BEND4: variants seen among roughly 807,000 people sequenced by gnomAD.
The protein encoded by BEND4 is BEN domain containing 4.
A neutral mutation model predicts 54.7 loss-of-function variants in BEND4; 27 were observed. The observed-to-expected ratio is 0.49, with a 90% CI of 0.36 to 0.68. The LOEUF is 0.68. Among genes scored for constraint, BEND4 ranks in the 30% least tolerant of loss-of-function variants. BEND4 has a pLI of 0.00. For missense variants in BEND4, 702 were observed against 697.2 expected, an observed-to-expected ratio of 1.01 and a Z score of -0.08; for synonymous variants, 327 against 299.5, an observed-to-expected ratio of 1.09 and a Z score of -0.95.
chr4:42,127,806 T>C (rs1720343845), intron 3 of BEND4, among the ~76,000 whole-genome samples: 2 of 152,174 alleles, frequency 1.3e-5, no homozygotes, highest in South Asian at 4.1e-4. Flanking sequence ...TTAGAGAAAT[T>C]GTAAAGACTC....
At chr4:42,149,609 A>G (rs1185332192) in intron 2 of BEND4, among the ~76,000 whole-genome samples, 1 of 152,092 alleles carries the variant, frequency 6.6e-6, no homozygotes, top group Non-Finnish European at 1.5e-5. Flanking sequence ...GCCCCTCTTC[A>G]CTCCTTTAGA....
At chr4:42,141,061 T>C (rs1287605338) in intron 3 of BEND4, among the ~76,000 whole-genome samples, 1 of 152,220 alleles carries the variant, frequency 6.6e-6, no homozygotes, top group Admixed American at 6.5e-5. Flanking sequence ...TGTCTCGGAC[T>C]TGGGGAAACC....
rs1238022368 is a variant in BEND4 at position 42,152,386 on chromosome 4, G to A, written c.-233-10C>T. The A allele has an allele frequency of 6.8e-6, 2 of 292,840 alleles. No individual in the cohort carries two copies. Among genetic ancestry groups the A allele is most frequent in the Non-Finnish European group, 6.3e-6 (1 of 158,540 alleles). The allele number at this position is 292,840 out of a possible 1,614,324, so 18.1% of individuals were successfully genotyped here. ...GCTGCCTCGCCAATGCCTGGAGGGA[G>A]AAAGGAGGTAAAGAGCAAGTGTTTA... On this transcript the variant is annotated splice_polypyrimidine_tract_variant and intron_variant, in intron 1 of 5. Coordinates refer to ENST00000502486, the MANE Select transcript of BEND4 (RefSeq NM_207406.4).
In BEND4 at chr4:42,111,976, G is replaced by C. The variant is rs1719589036; in HGVS notation, c.*5542C>G. 6.6e-6 allele frequency: 1 copy of C among 152,192 alleles called. No homozygotes were observed. The highest frequency in any genetic ancestry group is 2.1e-4 in the South Asian group (1 of 4,828). 9.4% of individuals were successfully genotyped at this position (152,192 alleles called of 1,614,324 possible). A position where few individuals can be genotyped will look rare whatever the true frequency, so the allele number is the denominator to read the frequency against. On this transcript the variant is annotated 3_prime_UTR_variant, in exon 6 of 6. Coordinates refer to ENST00000502486, the MANE Select transcript of BEND4 (RefSeq NM_207406.4). ...TCTTACGTAGGTCAAGCCTTATACA[G>C]AAACCTGGGCAGATCCCAGAGGATA...
chr4:42,146,101 CCTT>C (rs2153147621), intron 2 of BEND4, among the ~76,000 whole-genome samples: 1 of 152,336 alleles, frequency 6.6e-6, no homozygotes, highest in Admixed American at 6.5e-5. Flanking sequence ...ACCTGACCCT[CCTT>C]CTCCAGCCAA....
chr4:42,141,159 C>T (rs550004974), intron 3 of BEND4, among the ~76,000 whole-genome samples: 9 of 152,292 alleles, frequency 5.9e-5, no homozygotes, highest in African/African-American at 1.9e-4. Flanking sequence ...GAAAACACTA[C>T]TCGTCTGCAT....
At position 42,143,621 on chromosome 4, in the gene BEND4, C is replaced by A; in HGVS notation, c.861G>T (p.Val287=). 6.2e-7 allele frequency: 1 copy of A among 1,610,252 alleles called. No individual in the cohort carries two copies. Among genetic ancestry groups the A allele is most frequent in the Non-Finnish European group, 8.5e-7 (1 of 1,178,198 alleles). ...ADVDPLSTSP[V]HTLGGWTSPA... is the part of the protein sequence containing the mutation. ...GGGAAGTCCAGCCACCTAATGTATG[C>A]ACAGGAGAGGTTGACAGAGGATCCA... The change falls in exon 3 of 6, where the codon GTG becomes GTT. Residue 287 remains valine (V), a synonymous_variant. Coordinates refer to ENST00000502486, the MANE Select transcript of BEND4 (RefSeq NM_207406.4).
intron 3 of BEND4, among the ~76,000 whole-genome samples, chr4:42,136,733 TG>T (rs1720711875): frequency 6.6e-6 from 1 of 152,236 alleles, no homozygotes; most frequent in Non-Finnish European, 1.5e-5. Flanking sequence ...GTTGTAGCAC[TG>T]AAGTGCTGTC....
In BEND4 at chr4:42,116,034, CT is replaced by C. The variant is rs1182018329; in HGVS notation, c.*1483del. Reference sequence around the variant, plus strand: ...GCTACAGAAAGACCTGTTTCTAGGACTTTGTATATAGTGAATACAAACTAAA... The same window carrying C: ...GCTACAGAAAGACCTGTTTCTAGGACTTGTATATAGTGAATACAAACTAAA... On this transcript the variant is annotated 3_prime_UTR_variant, in exon 6 of 6. Coordinates refer to ENST00000502486, the MANE Select transcript of BEND4 (RefSeq NM_207406.4). 6.6e-6 allele frequency: 1 copy of C among 152,156 alleles called. No homozygotes were observed. Among genetic ancestry groups the C allele is most frequent in the African/African-American group, 2.4e-5 (1 of 41,432 alleles). 9.4% of individuals were successfully genotyped at this position (152,156 alleles called of 1,614,324 possible).
rs71664396 is a variant in BEND4 at position 42,123,694 on chromosome 4, G to GAAAA, written c.1146+1885_1146+1888dup. On this transcript the variant is annotated intron_variant, in intron 4 of 5. Transcript: ENST00000502486. ...ATATTTACTTTGGATCTGTAATTCA[G>GAAAA]AAAAAAAAAAAAAAAAAAAAAAACA... Among the ~76,000 whole-genome samples the GAAAA allele has an allele frequency of 8.4e-3, 420 of 50,268 alleles. 16 individuals carry two copies. Among genetic ancestry groups the GAAAA allele is most frequent in the African/African-American group, 0.022 (288 of 13,264 alleles). 33.0% of individuals were successfully genotyped at this position (50,268 alleles called of 152,430 possible).
At chr4:42,151,423 G>A (rs761884299) in intron 2 of BEND4, 5 of 346,220 alleles carry the variant, frequency 1.4e-5, no homozygotes, top group Non-Finnish European at 2.6e-5. Flanking sequence ...TTCCCGGCGC[G>A]GGATCCAAGC....
Position 42,143,832 on chromosome 4 carries a change from A to G in BEND4, c.650T>C (p.Ile217Thr), listed in dbSNP as rs754803144. ...SYNERQEHCH[I>T]GKGVHSQTSD... The stretch of plus-strand genomic sequence containing the variant: ...GGTCTGACTGTGGACCCCTTTCCCA[A>G]TGTGACAGTGCTCCTGTCTTTCGTT... The change falls in exon 3 of 6, where the codon ATT becomes ACT. Residue 217 changes from isoleucine (I) to threonine (T), a missense_variant. Physicochemically the swap from Ile to Thr is moderately conservative, Grantham distance 89 (BLOSUM62 -1). Coordinates refer to ENST00000502486, the MANE Select transcript of BEND4 (RefSeq NM_207406.4). The G allele has an allele frequency of 2.0e-5, 32 of 1,578,500 alleles. No individual in the cohort carries two copies. Among genetic ancestry groups the G allele is most frequent in the Non-Finnish European group, 2.6e-5 (30 of 1,163,746 alleles).
chr4:42,141,235 C>T (rs1262384293), intron 3 of BEND4, among the ~76,000 whole-genome samples: 1 of 152,226 alleles, frequency 6.6e-6, no homozygotes, highest in Non-Finnish European at 1.5e-5. Context: ...TCCTCCCCTC[C>T]ACAGGACAAT....
chr4:42,142,126 C>T (rs887520747), intron 3 of BEND4, among the ~76,000 whole-genome samples: 15 of 151,402 alleles, frequency 9.9e-5, no homozygotes, highest in South Asian at 6.3e-4. Flanking sequence ...AGGATGGTCT[C>T]GATCACCTGA....
Position 42,113,364 on chromosome 4 carries a change from T to C in BEND4, c.*4154A>G, listed in dbSNP as rs1719652338. ...AACTCAGGAGGTAGTCAATGGGTAT[T>C]AGGTTTAGGTTCTAGAGCATAAATT... On this transcript the variant is annotated 3_prime_UTR_variant, in exon 6 of 6. Coordinates refer to ENST00000502486, the MANE Select transcript of BEND4 (RefSeq NM_207406.4). 2.0e-5 allele frequency: 3 copies of C among 152,186 alleles called. No individual in the cohort carries two copies. In the South Asian group the frequency reaches 6.2e-4, roughly 32 times the overall value. 9.4% of individuals were successfully genotyped at this position (152,186 alleles called of 1,614,324 possible). A position where few individuals can be genotyped will look rare whatever the true frequency, so the allele number is the denominator to read the frequency against.
chr4:42,151,868 C>T lies in BEND4; in HGVS notation c.276G>A (p.Arg92=). The T allele has an allele frequency of 7.6e-7, 1 of 1,313,396 alleles. No individual in the cohort carries two copies. The highest frequency in any genetic ancestry group is 9.6e-7 in the Non-Finnish European group (1 of 1,040,734). 81.4% of individuals were successfully genotyped at this position (1,313,396 alleles called of 1,614,324 possible). The part of the protein sequence containing the change: ...AQSSYPPGPG[R]AAAAASSSSP... The stretch of plus-strand genomic sequence containing the variant: ...ACGACGACGAAGCGGCGGCGGCGGC[C>T]CGGCCGGGCCCGGGGGGGTAGGAGC... The change falls in exon 2 of 6, where the codon CGG becomes CGA. Residue 92 remains arginine, a synonymous_variant. Coordinates refer to ENST00000502486, the MANE Select transcript of BEND4 (RefSeq NM_207406.4).
intron 4 of BEND4, among the ~76,000 whole-genome samples, chr4:42,124,281 AG>A (rs1393758759): frequency 6.6e-6 from 1 of 152,110 alleles, no homozygotes; most frequent in Non-Finnish European, 1.5e-5. Context: ...TGCGCCTGGG[AG>A]GTCGAAGATG....
chr4:42,123,694 G>GAAAAAAAAAAACAAAAAAA (rs1553921966), intron 4 of BEND4, among the ~76,000 whole-genome samples: 2 of 50,806 alleles, frequency 3.9e-5, no homozygotes, highest in Non-Finnish European at 7.8e-5. Context: ...CTGTAATTCA[G>GAAAAAAAAAAACAAAAAAA]AAAAAAAAAA....
Position 42,152,033 on chromosome 4 carries a change from C to T in BEND4, c.111G>A (p.Leu37=). Residue 37 remains leucine, a synonymous_variant, in exon 2 of 6, where the codon CTG becomes CTA. Transcript: ENST00000502486. ...GGGTGGGTCGCTCGTAGCGCTTGGC[C>T]AGCGCCGGTCTCTTGCTGGGGAACG... ...LKTFPSKRPA[L]AKRYERPTLV... is the part of the protein sequence containing the mutation. The T allele has an allele frequency of 8.0e-7, 1 of 1,251,790 alleles. No homozygotes were observed. Among genetic ancestry groups the T allele is most frequent in the Non-Finnish European group, 1.0e-6 (1 of 991,300 alleles). The allele number at this position is 1,251,790 out of a possible 1,614,324, so 77.5% of individuals were successfully genotyped here.
Sources: allele counts gnomAD v4.1 joint callset (sites outside exome capture counted in the v4.1 genomes callset), GRCh38; gene constraint gnomAD v4.1.1; transcripts MANE v1.5; gene names NCBI Gene and HGNC (gene_info 2026-07-23, HGNC 2026-07-21).